The following SAMM50 variants were observed in gnomAD, a reference collection of about 807,000 sequenced individuals.
The protein encoded by SAMM50 is SAMM50 sorting and assembly machinery component, also known as sorting and assembly machinery component 50 homolog.
In SAMM50, 47 loss-of-function variants were observed where a neutral mutation model predicts 66.9. The observed-to-expected ratio is 0.70, with a 90% CI of 0.56 to 0.90. The LOEUF (loss-of-function observed/expected upper bound fraction) is 0.90. Among genes scored for constraint, SAMM50 ranks in the 40% least tolerant of loss-of-function variants. The pLI is 0.00. For missense variants in SAMM50, 535 were observed against 595.3 expected (o/e 0.90, Z 1.05); for synonymous variants, 191 against 214.1 (o/e 0.89, Z 0.94).
intron 12 of SAMM50, among the ~76,000 whole-genome samples, chr22:43,985,532 T>C (rs2050287823): frequency 6.6e-6 from 1 of 152,118 alleles, no homozygotes; most frequent in South Asian, 2.1e-4. Context: ...CCCAATAACT[T>C]GTTTCTTCTT....
At chr22:43,992,999 G>C (rs112978471) in intron 14 of SAMM50, among the ~76,000 whole-genome samples, 3 of 152,390 alleles carry the variant, frequency 2.0e-5, no homozygotes, top group African/African-American at 7.2e-5. Context: ...GTCTTCAGCA[G>C]ACCAGGCTGG....
chr22:43,973,186 A>C (rs1218233499), intron 6 of SAMM50, 50 bp from the exon 7 acceptor site: 1 of 1,349,948 alleles, frequency 7.4e-7, no homozygotes, highest in East Asian at 2.3e-5. Context: ...AATGTGTGCA[A>C]GTTCTAATCA....
intron 1 of SAMM50, among the ~76,000 whole-genome samples, chr22:43,960,396 A>G (rs891697452): frequency 6.6e-6 from 1 of 152,082 alleles, no homozygotes; most frequent in Non-Finnish European, 1.5e-5. Flanking sequence ...CCATTCCACA[A>G]ATATTTATTG....
At chr22:43,977,783 A>G in intron 9 of SAMM50, 89 bp from the exon 10 acceptor site, 1 of 905,802 alleles carries the variant, frequency 1.1e-6, no homozygotes, top group Non-Finnish European at 1.7e-6. Flanking sequence ...ACAAAACGGC[A>G]AAATTAAATC....
At chr22:43,989,077 C>T in intron 12 of SAMM50, 34 bp from the exon 13 acceptor site, 3 of 1,593,002 alleles carry the variant, frequency 1.9e-6, no homozygotes, top group Non-Finnish European at 2.6e-6. Flanking sequence ...CCTTGTCGGA[C>T]CTTGTTTTTG....
chr22:43,977,782 C>T (rs2050240419), intron 9 of SAMM50, 90 bp from the exon 10 acceptor site: 1 of 892,538 alleles, frequency 1.1e-6, no homozygotes, highest in Non-Finnish European at 1.7e-6. Context: ...TACAAAACGG[C>T]AAAATTAAAT....
intron 3 of SAMM50, among the ~76,000 whole-genome samples, chr22:43,964,853 T>G (rs2050165144): frequency 6.6e-6 from 1 of 152,190 alleles, no homozygotes; most frequent in Non-Finnish European, 1.5e-5. Context: ...GTGGGGTTAG[T>G]GCACAGCCGT....
chr22:43,976,322 C>T (rs1374012577), intron 8 of SAMM50, 139 bp downstream of exon 8: 1 of 956,122 alleles, frequency 1.0e-6, no homozygotes, highest in Non-Finnish European at 1.6e-6. Flanking sequence ...GCCCCCACTC[C>T]CCGAGGGCTT....
chr22:43,976,931 TA>T lies in SAMM50; in HGVS notation c.849+112del, dbSNP rs1490563115. ...CCTGGGGGTGGGCAGTCCCACAGAG[TA>T]ATCGCACATGCAGTATCGCTTTTGA... On this transcript the variant is annotated intron_variant, in intron 9 of 14. Coordinates refer to ENST00000350028, the MANE Select transcript of SAMM50 (RefSeq NM_015380.5). 7.5e-6 allele frequency: 5 copies of T among 667,540 alleles called. No homozygotes were observed. The Admixed American group carries it at 1.3e-4, about 18-fold the overall frequency. 41.4% of individuals were successfully genotyped at this position (667,540 alleles called of 1,614,324 possible).
At chr22:43,956,462 G>A (rs957890019) in intron 1 of SAMM50, among the ~76,000 whole-genome samples, 1 of 152,178 alleles carries the variant, frequency 6.6e-6, no homozygotes, top group Non-Finnish European at 1.5e-5. Context: ...CCCTTTATAT[G>A]TCTTTCATTC....
chr22:43,980,136 A>ACACCCATC (rs1569032053), intron 10 of SAMM50, among the ~76,000 whole-genome samples: 246 of 13,364 alleles, frequency 0.018, no homozygotes, highest in Middle Eastern at 0.031. Context: ...ACCCACCCAC[A>ACACCCATC]CATCCATCCA....
At position 43,972,354 on chromosome 22, in the gene SAMM50, G is replaced by A; in HGVS notation, c.429+12G>A. 1.4e-6 allele frequency: 2 copies of A among 1,469,752 alleles called. No homozygotes were observed. Among genetic ancestry groups the A allele is most frequent in the Non-Finnish European group, 1.8e-6 (2 of 1,083,396 alleles). 91.0% of individuals were successfully genotyped at this position (1,469,752 alleles called of 1,614,324 possible). On this transcript the variant is annotated intron_variant, in intron 5 of 14. Coordinates refer to ENST00000350028, the MANE Select transcript of SAMM50 (RefSeq NM_015380.5). ...ATGAAGGCAGTATGGTATGCTACAG[G>A]CTTTTTACTTTCTTATATTGGAACT...
chr22:43,958,377 T>C (rs1168301537), intron 1 of SAMM50, among the ~76,000 whole-genome samples: 1 of 152,200 alleles, frequency 6.6e-6, no homozygotes, highest in African/African-American at 2.4e-5. Flanking sequence ...TAATCACTCA[T>C]TATTTATTCA....
chr22:43,973,726 C>G (rs1453422867), intron 7 of SAMM50, among the ~76,000 whole-genome samples: 1 of 152,152 alleles, frequency 6.6e-6, no homozygotes, highest in Non-Finnish European at 1.5e-5. Context: ...ACCTCCGCCT[C>G]CCCGGTTCAA....
chr22:43,961,004 C>T (rs1403967049), intron 1 of SAMM50, among the ~76,000 whole-genome samples: 1 of 152,148 alleles, frequency 6.6e-6, no homozygotes, highest in Non-Finnish European at 1.5e-5. Context: ...TTGTACCCTG[C>T]TAAGGAACCT....
At chr22:43,996,316 C>G (rs1379066025) in intron 14 of SAMM50, 22 bp from the exon 15 acceptor site, 4 of 1,613,840 alleles carry the variant, frequency 2.5e-6, no homozygotes, top group South Asian at 1.1e-5. Flanking sequence ...GCCGCCGCAT[C>G]TGATCTCTCC....
At chr22:43,989,809 A>G (rs994790277) in intron 13 of SAMM50, among the ~76,000 whole-genome samples, 11 of 152,208 alleles carry the variant, frequency 7.2e-5, no homozygotes, top group Non-Finnish European at 1.2e-4. Flanking sequence ...CTGTTTGTCT[A>G]TTTAATAAAC....
At chr22:43,961,326 A>G (rs1253795100) in intron 1 of SAMM50, among the ~76,000 whole-genome samples, 1 of 152,226 alleles carries the variant, frequency 6.6e-6, no homozygotes. Context: ...GTGACTGGGA[A>G]TCCTCGTGTG....
At chr22:43,992,471 C>T (rs2050330268) in intron 14 of SAMM50, among the ~76,000 whole-genome samples, 1 of 152,242 alleles carries the variant, frequency 6.6e-6, no homozygotes, top group Non-Finnish European at 1.5e-5. Context: ...GCTCCCATTC[C>T]CCTCCACGCC....
Sources: allele counts gnomAD v4.1 joint callset (sites outside exome capture counted in the v4.1 genomes callset), GRCh38; gene constraint gnomAD v4.1.1; transcripts MANE v1.5; gene names NCBI Gene and HGNC (gene_info 2026-07-23, HGNC 2026-07-21).